The following ZNF385D variants were observed in gnomAD, a reference collection of about 807,000 sequenced individuals.
ZNF385D encodes the protein zinc finger protein 659.
In ZNF385D, 15 loss-of-function variants were observed where a neutral mutation model predicts 35.8. The ratio of observed to expected loss-of-function variants is 0.42; its 90% CI spans 0.28 to 0.64. The LOEUF (loss-of-function observed/expected upper bound fraction) is 0.64. Ranked by LOEUF, ZNF385D falls within the 30% of genes least tolerant of loss-of-function variation. The pLI is 0.23. For missense variants in ZNF385D, 474 were observed against 494.6 expected, an observed-to-expected ratio of 0.96 and a Z score of 0.39; for synonymous variants, 212 against 186.8, an observed-to-expected ratio of 1.13 and a Z score of -1.10.
At chr3:22,045,319 A>T (rs1488219812) in intron 3 of ZNF385D, among the ~76,000 whole-genome samples, 1 of 152,122 alleles carries the variant, frequency 6.6e-6, no homozygotes, top group African/African-American at 2.4e-5. Flanking sequence ...GTGATCATAT[A>T]ATAAATATAA....
chr3:21,689,510 A>T (rs1296091978), intron 1 of ZNF385D, among the ~76,000 whole-genome samples: 1 of 152,180 alleles, frequency 6.6e-6, no homozygotes. Context: ...AGTCACTGGA[A>T]ATTCTGTGTA....
chr3:21,895,461 G>A (rs1347560262), intron 3 of ZNF385D, among the ~76,000 whole-genome samples: 1 of 151,076 alleles, frequency 6.6e-6, no homozygotes, highest in Non-Finnish European at 1.5e-5. Context: ...TGAGAAGCTG[G>A]GGACTACAGG....
At chr3:22,012,569 C>T (rs921751776) in intron 3 of ZNF385D, among the ~76,000 whole-genome samples, 1 of 151,616 alleles carries the variant, frequency 6.6e-6, no homozygotes, top group African/African-American at 2.4e-5. Context: ...AATGAAGAGA[C>T]CAGACTGATA....
chr3:21,439,738 A>T (rs9874351), intron 4 of ZNF385D, among the ~76,000 whole-genome samples: 46,550 of 151,912 alleles, frequency 0.31, 8,654 homozygotes, highest in African/African-American at 0.52. Flanking sequence ...ACCCCAGAGG[A>T]TAATGTACAT....
intron 3 of ZNF385D, among the ~76,000 whole-genome samples, chr3:22,022,087 G>A (rs1201594876): frequency 6.6e-6 from 1 of 152,034 alleles, no homozygotes; most frequent in Non-Finnish European, 1.5e-5. Context: ...TGTAGTAACT[G>A]ATGAGTTCAG....
At chr3:21,942,388 C>A (rs1012294694) in intron 3 of ZNF385D, among the ~76,000 whole-genome samples, 1 of 152,190 alleles carries the variant, frequency 6.6e-6, no homozygotes, top group Admixed American at 6.5e-5. Context: ...TCCTTCCTTA[C>A]TATGACACAT....
At chr3:21,563,538 A>T (rs1034419922) in intron 3 of ZNF385D, among the ~76,000 whole-genome samples, 5 of 152,326 alleles carry the variant, frequency 3.3e-5, no homozygotes, top group African/African-American at 1.2e-4. Flanking sequence ...TATTTTGTTT[A>T]TGCCTCATCT....
intron 4 of ZNF385D, among the ~76,000 whole-genome samples, chr3:21,451,737 C>T (rs927659788): frequency 2.6e-5 from 4 of 152,022 alleles, no homozygotes; most frequent in Non-Finnish European, 5.9e-5. Context: ...ATTTTGTATC[C>T]ACTTCTCTGT....
chr3:21,552,394 CAT>C (rs1439743477), intron 3 of ZNF385D, among the ~76,000 whole-genome samples: 28 of 152,250 alleles, frequency 1.8e-4, no homozygotes, highest in African/African-American at 6.7e-4. Flanking sequence ...ATTTCCAGTA[CAT>C]GAGTTTCTTT....
At chr3:21,861,277 A>G (rs1697040373) in intron 3 of ZNF385D, among the ~76,000 whole-genome samples, 1 of 152,156 alleles carries the variant, frequency 6.6e-6, no homozygotes, top group Non-Finnish European at 1.5e-5. Flanking sequence ...GTCTGCCACT[A>G]TAAACTGGAA....
chr3:22,084,004 A>G (rs1700899441), intron 3 of ZNF385D, among the ~76,000 whole-genome samples: 1 of 152,228 alleles, frequency 6.6e-6, no homozygotes, highest in Admixed American at 6.5e-5. Context: ...TGAAGGAGAA[A>G]TAAAATACTT....
At chr3:22,008,165 C>T (rs1696335090) in intron 3 of ZNF385D, among the ~76,000 whole-genome samples, 1 of 152,004 alleles carries the variant, frequency 6.6e-6, no homozygotes, top group African/African-American at 2.4e-5. Flanking sequence ...GGAACCGAAG[C>T]TCCTCATAAA....
At chr3:21,841,644 T>C (rs1164065695) in intron 3 of ZNF385D, among the ~76,000 whole-genome samples, 2 of 151,988 alleles carry the variant, frequency 1.3e-5, no homozygotes, top group Non-Finnish European at 1.5e-5. Context: ...ATTTTTCTTG[T>C]CATTTTTAGG....
intron 3 of ZNF385D, among the ~76,000 whole-genome samples, chr3:21,884,392 A>C (rs796427327): frequency 2.0e-4 from 30 of 152,052 alleles, no homozygotes; most frequent in African/African-American, 7.0e-4. Context: ...TCTGACATCT[A>C]ACTTTCTATC....
intron 3 of ZNF385D, among the ~76,000 whole-genome samples, chr3:22,046,731 G>A (rs928218880): frequency 6.6e-6 from 1 of 152,104 alleles, no homozygotes; most frequent in African/African-American, 2.4e-5. Flanking sequence ...GTAGAGTTGA[G>A]TGTCATCTTG....
intron 2 of ZNF385D, among the ~76,000 whole-genome samples, chr3:22,331,027 T>C (rs937547188): frequency 4.6e-5 from 7 of 152,218 alleles, no homozygotes; most frequent in Non-Finnish European, 1.0e-4. Flanking sequence ...TGTGTACATA[T>C]ATATGCACAT....
intron 4 of ZNF385D, among the ~76,000 whole-genome samples, chr3:21,477,678 C>T (rs1016670240): frequency 2.0e-5 from 3 of 152,132 alleles, no homozygotes; most frequent in Non-Finnish European, 4.4e-5. Flanking sequence ...TCTAATTCCC[C>T]TATCAACCAA....
intron 2 of ZNF385D, among the ~76,000 whole-genome samples, chr3:21,644,484 A>T (rs2065694503): frequency 6.6e-6 from 1 of 152,134 alleles, no homozygotes; most frequent in South Asian, 2.1e-4. Flanking sequence ...CTTCTTTGGG[A>T]TGTGGGAGGA....
chr3:21,896,706 A>G (rs749994573), intron 3 of ZNF385D, among the ~76,000 whole-genome samples: 42 of 152,308 alleles, frequency 2.8e-4, no homozygotes, highest in Middle Eastern at 3.4e-3. Flanking sequence ...GAGACGCAGT[A>G]GTTCCTTTTT....
Sources: allele counts gnomAD v4.1 joint callset (sites outside exome capture counted in the v4.1 genomes callset), GRCh38; gene constraint gnomAD v4.1.1; transcripts MANE v1.5; gene names NCBI Gene and HGNC (gene_info 2026-07-23, HGNC 2026-07-21).